JPH3: variants seen among roughly 807,000 people sequenced by gnomAD.
JPH3 encodes junctophilin-3.
Under a neutral mutation model 59.6 loss-of-function variants are expected in JPH3, and 11 were observed. The observed-to-expected ratio is 0.18, with a 90% CI of 0.12 to 0.31. The LOEUF (loss-of-function observed/expected upper bound fraction) is 0.31. Ranked by LOEUF, JPH3 falls within the 10% of genes least tolerant of loss-of-function variation. The pLI is 1.00. For synonymous variants in JPH3, 673 were observed against 483.6 expected, an observed-to-expected ratio of 1.39 and a Z score of -5.14; for missense variants, 1,202 against 1,105.7, an observed-to-expected ratio of 1.09 and a Z score of -1.24.
At chr16:87,638,439 G>A (rs1008436101) in intron 1 of JPH3, among the ~76,000 whole-genome samples, 3 of 151,590 alleles carry the variant, frequency 2.0e-5, no homozygotes, top group African/African-American at 4.9e-5. Context: ...AGGCTACTGG[G>A]GAGACACAGG....
chr16:87,687,812 G>A (rs1311174340), intron 3 of JPH3, among the ~76,000 whole-genome samples: 1 of 152,218 alleles, frequency 6.6e-6, no homozygotes, highest in Non-Finnish European at 1.5e-5. Context: ...GCAGCAGTGG[G>A]TGGACGACCT....
chr16:87,634,174 G>C (rs1008542614), intron 1 of JPH3, among the ~76,000 whole-genome samples: 1 of 152,156 alleles, frequency 6.6e-6, no homozygotes, highest in Admixed American at 6.5e-5. Flanking sequence ...CCGTCTGTTG[G>C]CCAGCGCAGG....
In JPH3 at chr16:87,683,969, T is replaced by TTGAA. The variant is rs554450413; in HGVS notation, c.1161-156_1161-153dup. 6.9e-4 allele frequency: 419 copies of TTGAA among 606,798 alleles called. 2 individuals carry two copies. The East Asian group carries it at 9.8e-3, about 14-fold the overall frequency. 37.6% of individuals were successfully genotyped at this position (606,798 alleles called of 1,614,324 possible). A position where few individuals can be genotyped will look rare whatever the true frequency, so the allele number is the denominator to read the frequency against. The stretch of plus-strand genomic sequence containing the variant: ...GTTGGTTGATGCTCAGTGATGTTTA[T>TTGAA]TGAATGAATGAATGAATGAACGAAC... On this transcript the variant is annotated intron_variant, in intron 2 of 4. Transcript: ENST00000284262.
Position 87,696,955 on chromosome 16 carries a change from A to C in JPH3, c.*295A>C, listed in dbSNP as rs1208561266. 1 of 411,846 alleles carries C rather than the reference A, an allele frequency of 2.4e-6. No individual in the cohort carries two copies. The allele number at this position is 411,846 out of a possible 1,614,324, so 25.5% of individuals were successfully genotyped here. ...ACGTGGAGACAGAAGGGATCCCGGC[A>C]CATCAGTGGTAACAGCGGACGTTGT... On this transcript the variant is annotated 3_prime_UTR_variant, in exon 5 of 5. Transcript: ENST00000284262.
chr16:87,615,759 C>T (rs3812968), intron 1 of JPH3, among the ~76,000 whole-genome samples: 61,283 of 152,070 alleles, frequency 0.4, 13,033 homozygotes, highest in South Asian at 0.53. Context: ...GTGCTGGGAC[C>T]ACGCCTTGAG....
At chr16:87,656,260 C>G (rs1031204972) in intron 2 of JPH3, among the ~76,000 whole-genome samples, 1 of 152,220 alleles carries the variant, frequency 6.6e-6, no homozygotes, top group Non-Finnish European at 1.5e-5. Context: ...GCCGAACCCT[C>G]AGCTGGAGTC....
In JPH3 at chr16:87,639,746, A is replaced by G. The variant is rs115245097; in HGVS notation, c.383-4512A>G. Among the ~76,000 whole-genome samples the G allele has an allele frequency of 4.1e-3, 617 of 152,198 alleles. 4 individuals carry two copies. Among genetic ancestry groups the G allele is most frequent in the African/African-American group, 0.014 (595 of 41,514 alleles). On this transcript the variant is annotated intron_variant, in intron 1 of 4. Coordinates refer to ENST00000284262, the MANE Select transcript of JPH3 (RefSeq NM_020655.4). The stretch of plus-strand genomic sequence containing the variant: ...GTCTGATGACTCCAGGGACCCCAGG[A>G]GAGTAGAATCCCACAGGATTTGTCC...
intron 2 of JPH3, among the ~76,000 whole-genome samples, chr16:87,659,078 A>G (rs1329398163): frequency 6.6e-6 from 1 of 152,172 alleles, no homozygotes; most frequent in African/African-American, 2.4e-5. Context: ...CTTTGTCGCG[A>G]CGGCTGCTGG....
At chr16:87,660,148 G>A (rs1456054644) in intron 2 of JPH3, among the ~76,000 whole-genome samples, 3 of 152,194 alleles carry the variant, frequency 2.0e-5, no homozygotes, top group African/African-American at 7.2e-5. Flanking sequence ...CTGCCTCCGA[G>A]CCTGGGGAGA....
chr16:87,637,105 A>T (rs529541440), intron 1 of JPH3, among the ~76,000 whole-genome samples: 70 of 152,318 alleles, frequency 4.6e-4, no homozygotes, highest in African/African-American at 1.6e-3. Flanking sequence ...CCGTTCTTTT[A>T]TCTTAGGAGT....
rs764227417 is a variant in JPH3 at position 87,604,224 on chromosome 16, G to T, written c.382+696G>T. The T allele has an allele frequency of 2.1e-5, 30 of 1,440,360 alleles. No homozygotes were observed. In the South Asian group the frequency reaches 3.5e-4, roughly 17 times the overall value. 89.2% of individuals were successfully genotyped at this position (1,440,360 alleles called of 1,614,324 possible). ...CACCATTAGTTGAGGGAATCGATCT[G>T]TGCCTTCATTCTAAGATGCCACCGC... is the stretch of plus-strand genomic sequence containing the variant. On this transcript the variant is annotated intron_variant, in intron 1 of 4. Coordinates refer to ENST00000284262, the MANE Select transcript of JPH3 (RefSeq NM_020655.4).
chr16:87,659,238 A>T (rs1597270291), intron 2 of JPH3, among the ~76,000 whole-genome samples: 1 of 152,002 alleles, frequency 6.6e-6, no homozygotes, highest in African/African-American at 2.4e-5. Flanking sequence ...TCAGCCGGGT[A>T]TGGTGGCAGG....
chr16:87,662,380 C>T (rs1418509218), intron 2 of JPH3, among the ~76,000 whole-genome samples: 2 of 152,138 alleles, frequency 1.3e-5, no homozygotes, highest in African/African-American at 4.8e-5. Context: ...ACCAAAAGGA[C>T]AGCCGGATTT....
At chr16:87,674,713 A>T (rs979889429) in intron 2 of JPH3, among the ~76,000 whole-genome samples, 1 of 152,190 alleles carries the variant, frequency 6.6e-6, no homozygotes, top group Non-Finnish European at 1.5e-5. Context: ...CATTCTGTAC[A>T]TTGTAAAATT....
chr16:87,647,806 C>T (rs890484553), intron 2 of JPH3, among the ~76,000 whole-genome samples: 2 of 152,222 alleles, frequency 1.3e-5, no homozygotes, highest in Admixed American at 6.5e-5. Context: ...GTGGAGGTCT[C>T]CAGGTCACTG....
intron 2 of JPH3, among the ~76,000 whole-genome samples, chr16:87,665,033 G>A (rs533296810): frequency 6.6e-6 from 1 of 152,368 alleles, no homozygotes; most frequent in East Asian, 1.9e-4. Flanking sequence ...TTGACAAATG[G>A]TCGGTGCTCC....
chr16:87,680,356 G>A (rs1304670947), intron 2 of JPH3, among the ~76,000 whole-genome samples: 2 of 152,352 alleles, frequency 1.3e-5, no homozygotes, highest in African/African-American at 4.8e-5. Flanking sequence ...GAGGGGCTGC[G>A]CCCGGAAGGA....
intron 1 of JPH3, chr16:87,604,286 G>A: frequency 8.4e-7 from 1 of 1,195,730 alleles, no homozygotes. Context: ...CCAGGGAGCT[G>A]CCTGCTGCTG....
chr16:87,643,873 C>T (rs978962954), intron 1 of JPH3, among the ~76,000 whole-genome samples: 2 of 152,162 alleles, frequency 1.3e-5, no homozygotes, highest in African/African-American at 4.8e-5. Context: ...AGTGGTGTGG[C>T]TCATGACTGT....
Sources: allele counts gnomAD v4.1 joint callset (sites outside exome capture counted in the v4.1 genomes callset), GRCh38; gene constraint gnomAD v4.1.1; transcripts MANE v1.5; gene names NCBI Gene and HGNC (gene_info 2026-07-23, HGNC 2026-07-21).